The following SETBP1 variants were observed in gnomAD, a reference collection of about 807,000 sequenced individuals.
The protein encoded by SETBP1 is SET-binding protein.
In SETBP1, 9 loss-of-function variants were observed where a neutral mutation model predicts 101.0. The ratio of observed to expected loss-of-function variants is 0.09; its 90% CI spans 0.05 to 0.16. The LOEUF (loss-of-function observed/expected upper bound fraction) is 0.16. SETBP1 is among the 10% of genes least tolerant of loss of function. The probability of loss-of-function intolerance (pLI) is 1.00; values close to 1 mark genes in which losing one functional copy is unlikely to be tolerated. For missense variants in SETBP1, 1,858 were observed against 2,033.8 expected (o/e 0.91, Z 1.66); for synonymous variants, 818 against 788.5 (o/e 1.04, Z -0.63).
chr18:44,967,178 T>G (rs2071738595), intron 4 of SETBP1, among the ~76,000 whole-genome samples: 1 of 152,144 alleles, frequency 6.6e-6, no homozygotes, highest in African/African-American at 2.4e-5. Flanking sequence ...GAAGATAAGG[T>G]GTCAGGATTA....
chr18:44,913,920 C>G (rs1217611506), intron 3 of SETBP1, among the ~76,000 whole-genome samples: 1 of 152,138 alleles, frequency 6.6e-6, no homozygotes, highest in Non-Finnish European at 1.5e-5. Flanking sequence ...CCCTCAATTC[C>G]TTTCTCAGCC....
chr18:44,817,394 C>T (rs1264497337), intron 2 of SETBP1, among the ~76,000 whole-genome samples: 1 of 152,028 alleles, frequency 6.6e-6, no homozygotes, highest in Non-Finnish European at 1.5e-5. Flanking sequence ...AAGAATCTAG[C>T]CCAGTAAAGA....
At chr18:44,719,971 T>C (rs1208123435) in intron 2 of SETBP1, among the ~76,000 whole-genome samples, 1 of 152,214 alleles carries the variant, frequency 6.6e-6, no homozygotes, top group African/African-American at 2.4e-5. Context: ...ATCCGGGGAC[T>C]TCTCAGGCAT....
At chr18:44,971,001 A>C (rs2071840083) in intron 4 of SETBP1, among the ~76,000 whole-genome samples, 1 of 152,058 alleles carries the variant, frequency 6.6e-6, no homozygotes, top group African/African-American at 2.4e-5. Flanking sequence ...TATATCTCCT[A>C]ATGCTATGCC....
intron 3 of SETBP1, among the ~76,000 whole-genome samples, chr18:44,947,569 C>T (rs916470122): frequency 3.4e-5 from 5 of 149,144 alleles, no homozygotes; most frequent in Non-Finnish European, 7.4e-5. Context: ...TGCAAGGGCA[C>T]GATCTCGGCT....
chr18:45,030,576 A>C (rs2073274151), intron 4 of SETBP1, among the ~76,000 whole-genome samples: 1 of 149,982 alleles, frequency 6.7e-6, no homozygotes, highest in East Asian at 1.9e-4. Context: ...GAATAGTTTC[A>C]GAAGGAATGG....
At chr18:45,021,905 T>C (rs1181099228) in intron 4 of SETBP1, among the ~76,000 whole-genome samples, 2 of 152,168 alleles carry the variant, frequency 1.3e-5, no homozygotes, top group African/African-American at 2.4e-5. Context: ...AAACTTCTAA[T>C]GTAGAATTTG....
chr18:44,814,610 A>G (rs937188048), intron 2 of SETBP1, among the ~76,000 whole-genome samples: 1 of 152,218 alleles, frequency 6.6e-6, no homozygotes, highest in Non-Finnish European at 1.5e-5. Context: ...GTTTGATTAA[A>G]ACCCCACATG....
chr18:44,859,656 T>C (rs545982739), intron 2 of SETBP1, among the ~76,000 whole-genome samples: 3 of 152,288 alleles, frequency 2.0e-5, no homozygotes, highest in Non-Finnish European at 4.4e-5. Context: ...AGTACCTACC[T>C]GGTACAAGAA....
chr18:44,701,062 T>A (rs908943484), intron 1 of SETBP1, 113 bp from the exon 2 acceptor site: 3 of 325,814 alleles, frequency 9.2e-6, no homozygotes, highest in Non-Finnish European at 1.7e-5. Context: ...TTTCCATCAT[T>A]TCTTTTTTCC....
intron 3 of SETBP1, among the ~76,000 whole-genome samples, chr18:44,907,177 A>T (rs1239230564): frequency 1.3e-5 from 2 of 152,204 alleles, no homozygotes; most frequent in African/African-American, 2.4e-5. Flanking sequence ...TGTAGGATGT[A>T]TTGATACTTT....
At chr18:44,947,423 T>G (rs1239515357) in intron 3 of SETBP1, among the ~76,000 whole-genome samples, 1 of 146,898 alleles carries the variant, frequency 6.8e-6, no homozygotes, top group Non-Finnish European at 1.5e-5. Flanking sequence ...GTGGTAGAGG[T>G]GGGAAAAAAA....
chr18:45,013,691 G>T (rs1362119352), intron 4 of SETBP1, among the ~76,000 whole-genome samples: 1 of 152,060 alleles, frequency 6.6e-6, no homozygotes, highest in African/African-American at 2.4e-5. Flanking sequence ...GCCTGCCTTG[G>T]CCTCCCAAAG....
At chr18:45,034,108 C>T (rs1030835016) in intron 4 of SETBP1, among the ~76,000 whole-genome samples, 1 of 152,146 alleles carries the variant, frequency 6.6e-6, no homozygotes, top group Non-Finnish European at 1.5e-5. Context: ...CACCACAGAC[C>T]CTACTTTTCC....
intron 4 of SETBP1, among the ~76,000 whole-genome samples, chr18:44,973,214 C>T (rs1450110224): frequency 6.6e-6 from 1 of 152,068 alleles, no homozygotes; most frequent in Non-Finnish European, 1.5e-5. Context: ...GCCTTGCATC[C>T]CAAGGATGAA....
chr18:44,898,022 G>T (rs1350635348), intron 3 of SETBP1, among the ~76,000 whole-genome samples: 2 of 152,158 alleles, frequency 1.3e-5, no homozygotes, highest in Non-Finnish European at 2.9e-5. Context: ...TATGGTAATT[G>T]TTGTGATAGT....
At chr18:45,005,945 C>CTTTTT (rs1032603185) in intron 4 of SETBP1, among the ~76,000 whole-genome samples, 1 of 103,156 alleles carries the variant, frequency 9.7e-6, no homozygotes, top group African/African-American at 4.0e-5. Context: ...TGCACCCGGC[C>CTTTTT]TTTTTTTTTT....
chr18:44,762,247 C>T (rs1477941298), intron 2 of SETBP1, among the ~76,000 whole-genome samples: 1 of 152,080 alleles, frequency 6.6e-6, no homozygotes, highest in Non-Finnish European at 1.5e-5. Flanking sequence ...TTCTTTAGGC[C>T]CAGCCCAGAA....
chr18:45,026,811 T>TGC (rs2073174107), intron 4 of SETBP1, among the ~76,000 whole-genome samples: 1 of 152,182 alleles, frequency 6.6e-6, no homozygotes, highest in Non-Finnish European at 1.5e-5. Context: ...TGTGTGTGTG[T>TGC]GCATGCGCGT....
Sources: allele counts gnomAD v4.1 joint callset (sites outside exome capture counted in the v4.1 genomes callset), GRCh38; gene constraint gnomAD v4.1.1; transcripts MANE v1.5; gene names NCBI Gene and HGNC (gene_info 2026-07-23, HGNC 2026-07-21).